Variants in THSD7B observed in about 807,000 individuals in gnomAD.
THSD7B encodes the protein thrombospondin type 1 domain containing 7B, also known as thrombospondin type-1 domain-containing protein 7B.
A neutral mutation model predicts 213.6 loss-of-function variants in THSD7B; 138 were observed. That is an observed-to-expected ratio of 0.65 (90% CI 0.56 to 0.74). The LOEUF is 0.74. Among genes scored for constraint, THSD7B ranks in the 30% least tolerant of loss-of-function variants. THSD7B has a pLI of 0.00. For missense variants in THSD7B, 1,931 were observed against 1,991.5 expected, an observed-to-expected ratio of 0.97 and a Z score of 0.58; for synonymous variants, 742 against 687.0, an observed-to-expected ratio of 1.08 and a Z score of -1.25.
At chr2:137,427,266 A>G (rs1016045109) in intron 14 of THSD7B, among the ~76,000 whole-genome samples, 3 of 152,128 alleles carry the variant, frequency 2.0e-5, no homozygotes, top group African/African-American at 7.2e-5. Context: ...GAACTAATAT[A>G]TGATTCAGCA....
Position 137,164,498 on chromosome 2 carries a change from A to G in THSD7B, c.1525+4130A>G, listed in dbSNP as rs181288589. ...GATTCCTCAAGGATCTGGAGCTAGA[A>G]ATACCATTTGACCCAGCCATCCCAT... On this transcript the variant is annotated intron_variant, in intron 6 of 27. Transcript: ENST00000409968. 8.7e-3 allele frequency among the ~76,000 whole-genome samples: 1,329 copies of G among 152,314 alleles called. 21 individuals are homozygous for G. The highest frequency in any genetic ancestry group is 0.03 in the African/African-American group (1,255 of 41,574).
chr2:137,477,200 G>A (rs1344593569), intron 15 of THSD7B, among the ~76,000 whole-genome samples: 1 of 152,130 alleles, frequency 6.6e-6, no homozygotes, highest in African/African-American at 2.4e-5. Context: ...CTGGTGTTGA[G>A]TGTATACATG....
At chr2:136,941,371 A>G (rs1263242333) in intron 2 of THSD7B, among the ~76,000 whole-genome samples, 4 of 152,226 alleles carry the variant, frequency 2.6e-5, no homozygotes, top group African/African-American at 7.2e-5. Context: ...GTATATATCC[A>G]GTAATGGAAT....
Position 137,657,108 on chromosome 2 carries a change from C to A in THSD7B, c.4323C>A (p.Asn1441Lys), listed in dbSNP as rs1169219799. The A allele has an allele frequency of 2.5e-6, 4 of 1,613,856 alleles. No individual in the cohort carries two copies. The Admixed American group carries it at 5.0e-5, about 20-fold the overall frequency. Residue 1441 changes from asparagine (N) to lysine (K), a missense_variant, in exon 24 of 28, where the codon AAC becomes AAA. Transcript: ENST00000409968. ...YHYTWKASLW[N>K]NNERTVWCQR... ...ACACATGGAAAGCAAGTCTTTGGAA[C>A]AATAACGAACGAACTGTATGGTGCC...
chr2:137,035,903 CAT>C (rs1356991332), intron 2 of THSD7B, among the ~76,000 whole-genome samples: 2 of 152,104 alleles, frequency 1.3e-5, no homozygotes, highest in Non-Finnish European at 2.9e-5. Flanking sequence ...ATCCATAAAT[CAT>C]GTACAAAATG....
intron 7 of THSD7B, among the ~76,000 whole-genome samples, chr2:137,229,011 C>T (rs1381534266): frequency 6.6e-6 from 1 of 152,124 alleles, no homozygotes; most frequent in Non-Finnish European, 1.5e-5. Context: ...AAAAGTGTGG[C>T]CCTCGATCAA....
chr2:137,410,022 T>G lies in THSD7B; in HGVS notation c.2696-1587T>G, dbSNP rs552427371. Among the ~76,000 whole-genome samples, 15 of 152,276 alleles carry G rather than the reference T, an allele frequency of 9.9e-5. No homozygotes were observed. The East Asian group carries it at 2.9e-3, about 29-fold the overall frequency. ...GAAATGAAACTGAAGAGATGAAGAC[T>G]GAGAGATTCAACAATATTTTATGGA... On this transcript the variant is annotated intron_variant, in intron 13 of 27. Coordinates refer to ENST00000409968, the MANE Select transcript of THSD7B (RefSeq NM_001316349.2).
intron 12 of THSD7B, among the ~76,000 whole-genome samples, chr2:137,317,366 C>T (rs755848994): frequency 2.6e-5 from 4 of 152,096 alleles, no homozygotes; most frequent in South Asian, 4.1e-4. Context: ...AATGATATGG[C>T]GTGTCTACAC....
At chr2:137,309,796 G>A (rs1226324641) in intron 12 of THSD7B, among the ~76,000 whole-genome samples, 1 of 152,072 alleles carries the variant, frequency 6.6e-6, no homozygotes, top group Admixed American at 6.5e-5. Context: ...TGAGAATGAT[G>A]ATTTCCAATT....
intron 17 of THSD7B, among the ~76,000 whole-genome samples, chr2:137,613,311 T>A (rs975733877): frequency 6.6e-6 from 1 of 152,160 alleles, no homozygotes; most frequent in Non-Finnish European, 1.5e-5. Context: ...AAGTTGGATA[T>A]CAAGGCTTCA....
intron 8 of THSD7B, among the ~76,000 whole-genome samples, chr2:137,231,932 T>G (rs1681647914): frequency 6.6e-6 from 1 of 152,226 alleles, no homozygotes; most frequent in South Asian, 2.1e-4. Context: ...GCATGGCCAC[T>G]GGCTGTGAGG....
chr2:137,367,213 G>A (rs1471359503), intron 12 of THSD7B, among the ~76,000 whole-genome samples: 10 of 152,112 alleles, frequency 6.6e-5, no homozygotes, highest in South Asian at 2.1e-4. Flanking sequence ...GTAGAACACC[G>A]TACAGATTAG....
At chr2:137,424,740 C>A (rs72979620) in intron 14 of THSD7B, among the ~76,000 whole-genome samples, 12,770 of 152,042 alleles carry the variant, frequency 0.084, 1,139 homozygotes, top group African/African-American at 0.22. Flanking sequence ...TTTAAAGGTT[C>A]TGCATTAGTG....
intron 9 of THSD7B, among the ~76,000 whole-genome samples, chr2:137,239,940 G>A (rs1048884357): frequency 1.3e-5 from 2 of 152,112 alleles, no homozygotes; most frequent in Non-Finnish European, 2.9e-5. Flanking sequence ...TTCACATGGT[G>A]GAGAACACAG....
At chr2:137,274,551 A>G (rs1388714046) in intron 11 of THSD7B, among the ~76,000 whole-genome samples, 11 of 152,056 alleles carry the variant, frequency 7.2e-5, no homozygotes, top group Admixed American at 7.2e-4. Flanking sequence ...AGCCTGGGAC[A>G]AATCATTTAA....
intron 17 of THSD7B, among the ~76,000 whole-genome samples, chr2:137,575,873 T>C (rs1681450759): frequency 6.6e-6 from 1 of 152,042 alleles, no homozygotes; most frequent in Admixed American, 6.6e-5. Context: ...TGTTTATACA[T>C]GTATGTAAGT....
chr2:137,676,100 G>A (rs976272006), intron 27 of THSD7B, among the ~76,000 whole-genome samples: 3 of 152,206 alleles, frequency 2.0e-5, no homozygotes, highest in African/African-American at 7.2e-5. Flanking sequence ...GCAGCTAAAT[G>A]TCAGGTTCCA....
intron 15 of THSD7B, among the ~76,000 whole-genome samples, chr2:137,491,791 A>G (rs894649292): frequency 1.6e-4 from 25 of 152,218 alleles, no homozygotes; most frequent in Admixed American, 1.6e-3. Context: ...TAAGCCATTT[A>G]AGAGGACAAA....
At chr2:137,017,626 GCA>G (rs1686366638) in intron 2 of THSD7B, among the ~76,000 whole-genome samples, 1 of 152,090 alleles carries the variant, frequency 6.6e-6, no homozygotes, top group Non-Finnish European at 1.5e-5. Context: ...TGTTACTGAA[GCA>G]CAGATTCCTG....
Sources: gnomAD v4.1 joint callset for allele counts (sites outside exome capture counted in the v4.1 genomes callset) on GRCh38, gnomAD v4.1.1 for gene constraint, MANE v1.5 for transcripts, NCBI Gene and HGNC (gene_info 2026-07-23, HGNC 2026-07-21) for gene names.